SCRG1: variants seen among roughly 807,000 people sequenced by gnomAD.
SCRG1 encodes scrapie-responsive protein 1.
SCRG1 carries 3 observed loss-of-function variants against 7.7 expected under a neutral mutation model. That is an observed-to-expected ratio of 0.39 (90% CI 0.18 to 1.01). SCRG1 has a LOEUF of 1.01. Among genes scored for constraint, SCRG1 ranks in the 50% least tolerant of loss-of-function variants. SCRG1 has a pLI of 0.36. For missense variants in SCRG1, 110 were observed against 117.2 expected, an observed-to-expected ratio of 0.94 and a Z score of 0.28; for synonymous variants, 46 against 41.2, an observed-to-expected ratio of 1.12 and a Z score of -0.44.
intron 1 of SCRG1, among the ~76,000 whole-genome samples, chr4:173,394,461 G>A (rs1029563030): frequency 2.6e-5 from 4 of 151,946 alleles, no homozygotes; most frequent in Admixed American, 6.6e-5. Flanking sequence ...TGGCTAACAC[G>A]GTGAAACCCT....
chr4:173,422,038 A>C, the SCRG1 span, among the ~76,000 whole-genome samples: 1 of 152,212 alleles, frequency 6.6e-6, no homozygotes, highest in Non-Finnish European at 1.5e-5. Flanking sequence ...AGTCAAATCC[A>C]AGCAAATATG....
chr4:173,416,838 A>G, the SCRG1 span, among the ~76,000 whole-genome samples: 1 of 151,770 alleles, frequency 6.6e-6, no homozygotes. Context: ...CTTTATAAGA[A>G]TATACACATA....
At chr4:173,466,610 G>A in the SCRG1 span, among the ~76,000 whole-genome samples, 1 of 152,132 alleles carries the variant, frequency 6.6e-6, no homozygotes, top group South Asian at 2.1e-4. Context: ...TGTCAGGCCT[G>A]ATAAATATCT....
the SCRG1 span, among the ~76,000 whole-genome samples, chr4:173,504,645 GTTTCT>G: frequency 9.2e-5 from 14 of 152,274 alleles, no homozygotes; most frequent in African/African-American, 3.4e-4. The surrounding 1 kb of genome is among the most constrained non-coding windows in gnomAD (Gnocchi z 4.7). Context: ...TTTTCTTAAT[GTTTCT>G]TTTAATTTTT....
intron 1 of SCRG1, among the ~76,000 whole-genome samples, chr4:173,394,148 G>A (rs567775269): frequency 3.9e-5 from 6 of 151,934 alleles, no homozygotes; most frequent in Middle Eastern, 3.4e-3. Flanking sequence ...TACTATTGCC[G>A]TTTAGCTTAT....
At chr4:173,461,089 G>A in the SCRG1 span, among the ~76,000 whole-genome samples, 2 of 152,198 alleles carry the variant, frequency 1.3e-5, no homozygotes, top group Non-Finnish European at 2.9e-5. Context: ...AGGTTTTTCA[G>A]TCTAGTTCCT....
At chr4:173,413,408 T>C in the SCRG1 span, among the ~76,000 whole-genome samples, 3 of 152,290 alleles carry the variant, frequency 2.0e-5, no homozygotes, top group Admixed American at 1.3e-4. Context: ...AACAGAACAA[T>C]TGGTGCTGAA....
chr4:173,402,270 G>A (rs753885346), upstream of SCRG1, among the ~76,000 whole-genome samples: 1 of 152,184 alleles, frequency 6.6e-6, no homozygotes, highest in African/African-American at 2.4e-5. Flanking sequence ...TGATGTGTGT[G>A]TTTATTTCTA....
the SCRG1 span, among the ~76,000 whole-genome samples, chr4:173,458,176 T>C: frequency 6.6e-6 from 1 of 152,138 alleles, no homozygotes; most frequent in Non-Finnish European, 1.5e-5. Flanking sequence ...CATAGGGCCA[T>C]AGGGGCCTGA....
chr4:173,511,362 G>A, the SCRG1 span, among the ~76,000 whole-genome samples: 35 of 152,250 alleles, frequency 2.3e-4, no homozygotes, highest in South Asian at 6.8e-3. The surrounding 1 kb of genome is among the most constrained non-coding windows in gnomAD (Gnocchi z 5.2). Flanking sequence ...TCAATTAACC[G>A]GCCCCAGATA....
intron 1 of SCRG1, among the ~76,000 whole-genome samples, chr4:173,396,869 A>T (rs1002801834): frequency 1.3e-5 from 2 of 152,124 alleles, no homozygotes; most frequent in Admixed American, 1.3e-4. Context: ...GTTGGCCAAC[A>T]TGGTGAAACC....
chr4:173,468,468 C>G, the SCRG1 span: 97,558 of 152,046 alleles, frequency 0.64, 32,222 homozygotes, highest in Non-Finnish European at 0.73. Flanking sequence ...ACACATGGCT[C>G]TAGATAAGTA....
chr4:173,517,385 G>T, the SCRG1 span, among the ~76,000 whole-genome samples: 1 of 152,234 alleles, frequency 6.6e-6, no homozygotes, highest in Admixed American at 6.5e-5. Flanking sequence ...GGGCGAGCGG[G>T]AGTTTTGAAA....
At chr4:173,501,740 T>C in the SCRG1 span, among the ~76,000 whole-genome samples, 3 of 152,096 alleles carry the variant, frequency 2.0e-5, no homozygotes, top group African/African-American at 4.8e-5. This position sits in a 1 kb window ranked among gnomAD's most constrained non-coding sequence, Gnocchi z 5.1. Flanking sequence ...TCTAGGAGAA[T>C]TCAGGTTGTG....
chr4:173,402,477 A>G (rs915204298), upstream of SCRG1, among the ~76,000 whole-genome samples: 3 of 151,664 alleles, frequency 2.0e-5, no homozygotes, highest in Non-Finnish European at 2.9e-5. Flanking sequence ...ACCTCCCAAA[A>G]TTGAAAAATT....
chr4:173,513,728 T>C, the SCRG1 span, among the ~76,000 whole-genome samples: 1 of 152,134 alleles, frequency 6.6e-6, no homozygotes, highest in Non-Finnish European at 1.5e-5. Flanking sequence ...ATCCTTCTCC[T>C]CTCCCCCTAT....
chr4:173,479,435 G>GTTTTTTTTTTTTTTTTTTTTT, the SCRG1 span, among the ~76,000 whole-genome samples: 3 of 125,930 alleles, frequency 2.4e-5, no homozygotes, highest in Non-Finnish European at 3.4e-5. Context: ...TTGTTTGTTT[G>GTTTTTTTTTTTTTTTTTTTTT]TTTTTTTGTT....
At chr4:173,467,950 C>A in the SCRG1 span, 1 of 152,462 alleles carries the variant, frequency 6.6e-6, no homozygotes, top group South Asian at 2.1e-4. Flanking sequence ...TGAAAAATAT[C>A]AGTAAAATAA....
the SCRG1 span, chr4:173,469,431 A>G: frequency 2.6e-5 from 4 of 152,150 alleles, no homozygotes; most frequent in African/African-American, 4.8e-5. Context: ...TCCCTCAACA[A>G]TCTTCCAACT....
Sources: gnomAD v4.1 joint callset for allele counts (sites outside exome capture counted in the v4.1 genomes callset) on GRCh38, gnomAD v4.1.1 for gene constraint, Gnocchi (gnomAD v3.1) non-coding constraint, MANE v1.5 for transcripts, NCBI Gene and HGNC (gene_info 2026-07-23, HGNC 2026-07-21) for gene names.